The following ETFB variants were observed in gnomAD, a reference collection of about 807,000 sequenced individuals.
ETFB encodes beta-ETF.
In ETFB, 20 loss-of-function variants were observed where a neutral mutation model predicts 25.6. The observed-to-expected ratio is 0.78, with a 90% CI of 0.55 to 1.14. ETFB has a LOEUF of 1.14. Ranked by LOEUF, ETFB falls within the 50% of genes most tolerant of loss-of-function variation. The probability of loss-of-function intolerance (pLI) is 0.00; values close to 1 mark genes in which losing one functional copy is unlikely to be tolerated. For missense variants in ETFB, 286 were observed against 342.6 expected (o/e 0.83, Z 1.30); for synonymous variants, 142 against 146.7 (o/e 0.97, Z 0.23).
intron 4 of ETFB, among the ~76,000 whole-genome samples, chr19:51,349,552 A>G (rs1985879659): frequency 6.7e-6 from 1 of 149,260 alleles, no homozygotes; most frequent in Non-Finnish European, 1.5e-5. Context: ...AACTCAAGGG[A>G]TCCTCCCACC....
At chr19:51,348,304 TACTCGG>T (rs1985846461) in intron 4 of ETFB, 1 of 152,114 alleles carries the variant, frequency 6.6e-6, no homozygotes, top group African/African-American at 2.4e-5. Flanking sequence ...TAATCCGATC[TACTCGG>T]GAGGCTGAGG....
intron 1 of ETFB, among the ~76,000 whole-genome samples, chr19:51,361,083 C>G (rs1215161957): frequency 6.6e-6 from 1 of 152,018 alleles, no homozygotes; most frequent in Admixed American, 6.6e-5. Flanking sequence ...CCGCGCCCGG[C>G]CCACGCCTGG....
Position 51,345,243 on chromosome 19 carries a change from C to T in ETFB, c.736G>A (p.Val246Met). 6.2e-7 allele frequency: 1 copy of T among 1,614,234 alleles called. No individual in the cohort carries two copies. Among genetic ancestry groups the T allele is most frequent in the Non-Finnish European group, 8.5e-7 (1 of 1,180,026 alleles). Residue 246 changes from valine (V) to methionine (M), a missense_variant, in exon 6 of 6, where the codon GTG becomes ATG. Physicochemically the swap from Val to Met is conservative, Grantham distance 21. Coordinates refer to ENST00000309244, the MANE Select transcript of ETFB (RefSeq NM_001985.3). ...CGCCCAATCTCCTTCAGCTTGGCCACCAGGTCCTCAGTGGTCTCCACCTTG... is the reference window on the plus strand; with the variant it reads ...CGCCCAATCTCCTTCAGCTTGGCCATCAGGTCCTCAGTGGTCTCCACCTTG... ...GVKVETTEDL[V>M]AKLKEIGRI
intron 1 of ETFB, chr19:51,365,286 CGTAA>C (rs1986328802): frequency 6.6e-6 from 1 of 152,228 alleles, no homozygotes; most frequent in Non-Finnish European, 1.5e-5. Flanking sequence ...ATGCCTGCCA[CGTAA>C]GTACCCGCTA....
chr19:51,354,297 C>T lies in ETFB; in HGVS notation c.69G>A (p.Lys23=), dbSNP rs371201213. The change falls in exon 2 of 6, where the codon AAG becomes AAA. Residue 23 remains lysine (K), a synonymous_variant. Coordinates refer to ENST00000309244, the MANE Select transcript of ETFB (RefSeq NM_001985.3). The stretch of plus-strand genomic sequence containing the variant: ...CCGTGACCACACCGGTCCTGTCAGG[C>T]TTCACTCGGATCTGCCCAGCAGGAG... ...VIDYAVKIRV[K]PDRTGVVTDG... 4.3e-6 allele frequency: 7 copies of T among 1,614,060 alleles called. No individual in the cohort carries two copies. The highest frequency in any genetic ancestry group is 5.9e-6 in the Non-Finnish European group (7 of 1,180,048).
chr19:51,348,434 A>G (rs1985849891), intron 4 of ETFB: 1 of 152,042 alleles, frequency 6.6e-6, no homozygotes, highest in African/African-American at 2.4e-5. Flanking sequence ...AAAATAAATA[A>G]ATACTGAGAA....
Position 51,353,161 on chromosome 19 carries a change from T to C in ETFB, c.346A>G (p.Lys116Glu), listed in dbSNP as rs748007058. ...TTGCCCAGCAGCACCAGGTCCACCT[T>C]CTCCTTCTCTGCCAGCTTGGCCAGG... ...RVLAKLAEKE[K>E]VDLVLLGKQA... is the part of the protein sequence containing the mutation. Residue 116 changes from lysine (K) to glutamate (E), a missense_variant, in exon 3 of 6, where the codon AAG becomes GAG. Coordinates refer to ENST00000309244, the MANE Select transcript of ETFB (RefSeq NM_001985.3). The C allele has an allele frequency of 6.2e-7, 1 of 1,613,884 alleles. No homozygotes were observed. Among genetic ancestry groups the C allele is most frequent in the Non-Finnish European group, 8.5e-7 (1 of 1,179,972 alleles).
At chr19:51,352,563 T>C (rs1029189147) in intron 3 of ETFB, among the ~76,000 whole-genome samples, 1 of 151,948 alleles carries the variant, frequency 6.6e-6, no homozygotes, top group African/African-American at 2.4e-5. Context: ...CTCCCCCATG[T>C]GACCATCACC....
At chr19:51,366,173 C>CG in intron 1 of ETFB, 97 bp downstream of exon 1, 2 of 1,215,464 alleles carry the variant, frequency 1.6e-6, no homozygotes, top group African/African-American at 1.5e-5. Flanking sequence ...CGGCAGAGGT[C>CG]GGGGGTTACG....
intron 4 of ETFB, among the ~76,000 whole-genome samples, chr19:51,349,776 C>G (rs964300136): frequency 1.3e-4 from 20 of 151,788 alleles, no homozygotes; most frequent in African/African-American, 4.8e-4. Context: ...TGAGACGGAG[C>G]CTCCCTCTGT....
In ETFB at chr19:51,350,450, G is replaced by C. The variant is rs1042832534; in HGVS notation, c.376-59C>G. 1.1e-5 allele frequency: 10 copies of C among 921,972 alleles called. No homozygotes were observed. The African/African-American group carries it at 1.6e-4, about 15-fold the overall frequency. 57.1% of individuals were successfully genotyped at this position (921,972 alleles called of 1,614,324 possible). On this transcript the variant is annotated intron_variant, in intron 3 of 5. Transcript: ENST00000309244. The stretch of plus-strand genomic sequence containing the variant: ...TCAGTGGAGCTCATGGACCATTCAG[G>C]CCTCTGTCTAGAACAGGGGTTGGCA...
Position 51,345,331 on chromosome 19 carries a change from C to A in ETFB, c.648G>T (p.Val216=), listed in dbSNP as rs1195624609. Residue 216 remains valine (V), a synonymous_variant, in exon 6 of 6, where the codon GTG becomes GTT. Transcript: ENST00000309244. ...IEVIKPGDLG[V]DLTSKLSVIS... is the part of the protein sequence containing the mutation. ...TCACAGAGAGCTTGGAGGTCAGGTCCACACCCAGGTCCCCAGGCTTGATCA... is the reference window on the plus strand; with the variant it reads ...TCACAGAGAGCTTGGAGGTCAGGTCAACACCCAGGTCCCCAGGCTTGATCA... 6.2e-7 allele frequency: 1 copy of A among 1,614,008 alleles called. No individual in the cohort carries two copies. Among genetic ancestry groups the A allele is most frequent in the African/African-American group, 1.3e-5 (1 of 74,886 alleles).
At chr19:51,346,796 C>G in intron 5 of ETFB, 104 bp downstream of exon 5, 2 of 1,188,894 alleles carry the variant, frequency 1.7e-6, no homozygotes, top group Non-Finnish European at 2.4e-6. Flanking sequence ...TGCACGAGAC[C>G]TCCTTTGGAT....
intron 5 of ETFB, 32 bp downstream of exon 5, chr19:51,346,868 A>C: frequency 6.5e-7 from 1 of 1,539,840 alleles, no homozygotes; most frequent in Non-Finnish European, 8.7e-7. Flanking sequence ...TGCCACCCCC[A>C]GGCCCTCAGT....
intron 2 of ETFB, among the ~76,000 whole-genome samples, chr19:51,353,748 GGGTC>G (rs1568467869): frequency 8.4e-6 from 1 of 119,544 alleles, no homozygotes; most frequent in Admixed American, 7.8e-5. Context: ...TCAGACCCAG[GGGTC>G]CAGACTTCCA....
At position 51,345,190 on chromosome 19, in the gene ETFB, A is replaced by C. The variant is rs1040961161; in HGVS notation, c.*21T>G. On this transcript the variant is annotated 3_prime_UTR_variant, in exon 6 of 6. Transcript: ENST00000309244. ...GAGATAGATGTTGAGAGTCAGTTTT[A>C]TTGCCATCTCTGGGAGGGGCTCAAA... The C allele has an allele frequency of 3.1e-6, 5 of 1,613,174 alleles. No individual in the cohort carries two copies. The highest frequency in any genetic ancestry group is 4.2e-6 in the Non-Finnish European group (5 of 1,179,154).
intron 5 of ETFB, chr19:51,346,660 T>G: frequency 1.9e-6 from 1 of 528,818 alleles, no homozygotes; most frequent in Non-Finnish European, 3.4e-6. Flanking sequence ...AGCGAAGGCT[T>G]TCTACTGGCC....
chr19:51,353,979 C>G (rs1023750636), intron 2 of ETFB, among the ~76,000 whole-genome samples, 171 bp downstream of exon 2: 1 of 147,086 alleles, frequency 6.8e-6, no homozygotes, highest in Non-Finnish European at 1.5e-5. Context: ...GGAGTCCAGG[C>G]CCCCATCCCC....
At chr19:51,354,062 T>G in intron 2 of ETFB, 88 bp downstream of exon 2, 4 of 1,319,912 alleles carry the variant, frequency 3.0e-6, no homozygotes, top group Non-Finnish European at 4.1e-6. Context: ...ACTTCCAGCC[T>G]CCTCCTCCCT....
Sources: gnomAD v4.1 joint callset for allele counts (sites outside exome capture counted in the v4.1 genomes callset) on GRCh38, gnomAD v4.1.1 for gene constraint, MANE v1.5 for transcripts, NCBI Gene and HGNC (gene_info 2026-07-23, HGNC 2026-07-21) for gene names.